The following SDHB variants were observed in gnomAD, a reference collection of about 807,000 sequenced individuals.
The protein encoded by SDHB is succinate dehydrogenase complex iron sulfur subunit B.
SDHB carries 21 observed loss-of-function variants against 39.7 expected under a neutral mutation model. That is an observed-to-expected ratio of 0.53 (90% confidence interval 0.37 to 0.76). The LOEUF is 0.76. SDHB is among the 30% of genes least tolerant of loss of function. SDHB has a pLI of 0.00. For missense variants in SDHB, 343 were observed against 350.9 expected, an observed-to-expected ratio of 0.98 and a Z score of 0.18; for synonymous variants, 118 against 117.0, an observed-to-expected ratio of 1.01 and a Z score of -0.06.
At chr1:17,024,522 C>A (rs2077981780) in intron 5 of SDHB, among the ~76,000 whole-genome samples, 1 of 152,278 alleles carries the variant, frequency 6.6e-6, no homozygotes, top group South Asian at 2.1e-4. Context: ...CAACATCATC[C>A]CCAGTGACTG....
intron 2 of SDHB, among the ~76,000 whole-genome samples, chr1:17,044,281 G>A (rs182826257): frequency 5.3e-5 from 8 of 151,760 alleles, no homozygotes; most frequent in African/African-American, 1.9e-4. Flanking sequence ...ACTTTCATTT[G>A]GGAATTATTT....
At chr1:17,025,814 TTTCTATTACAGG>T (rs1405870309) in intron 5 of SDHB, among the ~76,000 whole-genome samples, 1 of 152,200 alleles carries the variant, frequency 6.6e-6, no homozygotes, top group Non-Finnish European at 1.5e-5. Flanking sequence ...AATGAGTAAA[TTTCTATTACAGG>T]TTGGGCATCC....
At chr1:17,022,507 A>G in intron 7 of SDHB, 101 bp downstream of exon 7, 1 of 1,511,164 alleles carries the variant, frequency 6.6e-7, no homozygotes, top group Non-Finnish European at 9.2e-7. Flanking sequence ...TTCCTTCTCA[A>G]ATGACTAGGG....
intron 7 of SDHB, among the ~76,000 whole-genome samples, chr1:17,020,878 A>G (rs938211929): frequency 6.6e-6 from 1 of 152,234 alleles, no homozygotes; most frequent in Non-Finnish European, 1.5e-5. Context: ...CTGGAAACAC[A>G]GAGGGTTTCC....
intron 4 of SDHB, among the ~76,000 whole-genome samples, chr1:17,028,282 T>C (rs1352221777): frequency 3.3e-5 from 5 of 152,244 alleles, no homozygotes; most frequent in African/African-American, 1.2e-4. Flanking sequence ...TCTAAAATTC[T>C]GTGCCCCATT....
intron 2 of SDHB, among the ~76,000 whole-genome samples, chr1:17,043,720 C>G (rs542006248): frequency 1.2e-4 from 18 of 152,238 alleles, no homozygotes; most frequent in African/African-American, 4.3e-4. Flanking sequence ...TGAAGAAGAA[C>G]TCAACCTGCT....
chr1:17,032,754 C>T, intron 3 of SDHB: 1 of 435,716 alleles, frequency 2.3e-6, no homozygotes. Flanking sequence ...AAGAGCTCAG[C>T]AGCATGGAAG....
intron 2 of SDHB, among the ~76,000 whole-genome samples, chr1:17,040,834 G>A (rs2078075990): frequency 6.6e-6 from 1 of 151,060 alleles, no homozygotes; most frequent in African/African-American, 2.4e-5. Context: ...TTTTTCTTAA[G>A]AACAGATAAT....
Position 17,022,595 on chromosome 1 carries a change from C to T in SDHB, c.765+13G>A, listed in dbSNP as rs115561881. The T allele has an allele frequency of 3.1e-4, 506 of 1,613,524 alleles. 6 individuals are homozygous for T. In the South Asian group the frequency reaches 4.7e-3, roughly 15 times the overall value. On this transcript the variant is annotated intron_variant, in intron 7 of 7. Transcript: ENST00000375499. ...GCTCTGAGGCAGAGCTGAGGGTCAC[C>T]AGCCCCACGTACCTTAGGACAGGTC...
chr1:17,035,676 C>T (rs553017687), intron 2 of SDHB, among the ~76,000 whole-genome samples: 67 of 152,066 alleles, frequency 4.4e-4, no homozygotes, highest in African/African-American at 1.5e-3. Flanking sequence ...TCCTGGCTAA[C>T]GTGGTGAAAC....
intron 2 of SDHB, among the ~76,000 whole-genome samples, chr1:17,033,527 A>G (rs2078034233): frequency 6.6e-6 from 1 of 152,246 alleles, no homozygotes; most frequent in Non-Finnish European, 1.5e-5. Flanking sequence ...ATAGTAATTA[A>G]TAATACATAA....
chr1:17,023,164 A>G (rs1231720765), intron 6 of SDHB: 1 of 301,304 alleles, frequency 3.3e-6, no homozygotes, highest in Non-Finnish European at 6.5e-6. Flanking sequence ...TATTTGTCCC[A>G]CTTAATGATT....
Position 17,044,902 on chromosome 1 carries a change from A to T in SDHB, c.73-14T>A, listed in dbSNP as rs1452516405. ...TCCTCGGGAGGCCTGAAATTTTTTA[A>T]AGTTCACAAAAAGGAAAAAAAAATT... On this transcript the variant is annotated splice_polypyrimidine_tract_variant and intron_variant, in intron 1 of 7. Transcript: ENST00000375499. The T allele has an allele frequency of 6.2e-7, 1 of 1,612,220 alleles. No individual in the cohort carries two copies. Among genetic ancestry groups the T allele is most frequent in the Non-Finnish European group, 8.5e-7 (1 of 1,179,486 alleles).
At chr1:17,032,083 G>A (rs2078026561) in intron 3 of SDHB, among the ~76,000 whole-genome samples, 1 of 152,114 alleles carries the variant, frequency 6.6e-6, no homozygotes, top group Non-Finnish European at 1.5e-5. Flanking sequence ...CTATACCTGA[G>A]AACCACCTGA....
intron 4 of SDHB, among the ~76,000 whole-genome samples, chr1:17,028,190 G>A (rs916644505): frequency 6.6e-6 from 1 of 152,180 alleles, no homozygotes; most frequent in Non-Finnish European, 1.5e-5. Context: ...CTCATAAACA[G>A]CTGTTGCTTT....
intron 7 of SDHB, 39 bp downstream of exon 7, chr1:17,022,569 A>G: frequency 6.2e-7 from 1 of 1,612,048 alleles, no homozygotes; most frequent in Non-Finnish European, 8.5e-7. Flanking sequence ...CTGGCGTGTC[A>G]GCTCTGAGGC....
At chr1:17,021,730 C>A (rs539603054) in intron 7 of SDHB, among the ~76,000 whole-genome samples, 1 of 151,438 alleles carries the variant, frequency 6.6e-6, no homozygotes, top group Non-Finnish European at 1.5e-5. Context: ...GCCTGGGCAA[C>A]AAGAGCGAAA....
At chr1:17,034,226 T>C (rs1424248666) in intron 2 of SDHB, among the ~76,000 whole-genome samples, 1 of 152,156 alleles carries the variant, frequency 6.6e-6, no homozygotes, top group Non-Finnish European at 1.5e-5. Flanking sequence ...CTCAGATCTG[T>C]AACCTCCGCA....
chr1:17,032,763 A>C, intron 3 of SDHB: 1 of 455,574 alleles, frequency 2.2e-6, no homozygotes, highest in Admixed American at 3.5e-5. Context: ...GCAGCATGGA[A>C]GGTGCCAGCC....
Sources: allele counts gnomAD v4.1 joint callset (sites outside exome capture counted in the v4.1 genomes callset), GRCh38; gene constraint gnomAD v4.1.1; transcripts MANE v1.5; gene names NCBI Gene and HGNC (gene_info 2026-07-23, HGNC 2026-07-21).